Variants in OLAH observed in about 807,000 individuals in gnomAD.
OLAH encodes the protein oleoyl-ACP hydrolase.
OLAH carries 33 observed loss-of-function variants against 27.8 expected under a neutral mutation model. The ratio of observed to expected loss-of-function variants is 1.19; its 90% CI spans 0.90 to 1.59. The LOEUF is 1.59. Ranked by LOEUF, OLAH falls within the 40% of genes most tolerant of loss-of-function variation. The probability of loss-of-function intolerance (pLI) is 0.00; values close to 1 mark genes in which losing one functional copy is unlikely to be tolerated. For synonymous variants in OLAH, 120 were observed against 102.9 expected, an observed-to-expected ratio of 1.17 and a Z score of -1.01; for missense variants, 359 against 310.8, an observed-to-expected ratio of 1.16 and a Z score of -1.17.
chr10:15,032,620 CAAAAAAAAAA>C (rs71390005), intron 1 of OLAH, among the ~76,000 whole-genome samples: 1 of 95,656 alleles, frequency 1.0e-5, no homozygotes, highest in Non-Finnish European at 2.0e-5. Context: ...GACTCAGTTT[CAAAAAAAAAA>C]AAAAAAAAAG....
chr10:15,057,217 A>T (rs888713481), intron 3 of OLAH, among the ~76,000 whole-genome samples: 6 of 152,032 alleles, frequency 3.9e-5, no homozygotes, highest in African/African-American at 1.4e-4. Flanking sequence ...GTATTTTGTC[A>T]TATTTGAGCC....
At chr10:15,072,246 T>C (rs1446652562) in intron 7 of OLAH, among the ~76,000 whole-genome samples, 2 of 152,174 alleles carry the variant, frequency 1.3e-5, no homozygotes, top group African/African-American at 2.4e-5. Context: ...TTTAAAATTT[T>C]TTTTTTTAAT....
chr10:15,045,464 G>C (rs1843996934), intron 1 of OLAH, among the ~76,000 whole-genome samples: 1 of 152,074 alleles, frequency 6.6e-6, no homozygotes. Flanking sequence ...CTATTTCCAG[G>C]TAAAGTCAGA....
intron 3 of OLAH, among the ~76,000 whole-genome samples, chr10:15,059,370 T>TA: frequency 6.6e-6 from 1 of 151,328 alleles, no homozygotes; most frequent in African/African-American, 2.4e-5. Flanking sequence ...TAATTTTTTT[T>TA]ATAGAGATAA....
chr10:15,071,521 C>T (rs1844586261), intron 6 of OLAH: 1 of 984,538 alleles, frequency 1.0e-6, no homozygotes, highest in Non-Finnish European at 1.2e-6. Flanking sequence ...GGACTGGTTC[C>T]ACCAGCCTTA....
chr10:15,049,949 C>T (rs985905108), intron 3 of OLAH, among the ~76,000 whole-genome samples, 184 bp downstream of exon 3: 5 of 152,254 alleles, frequency 3.3e-5, no homozygotes, highest in African/African-American at 7.2e-5. Context: ...TTGTTTTTAT[C>T]GTTAGAGCTA....
At chr10:15,072,232 A>G (rs1422128460) in intron 7 of OLAH, among the ~76,000 whole-genome samples, 1 of 151,914 alleles carries the variant, frequency 6.6e-6, no homozygotes. Flanking sequence ...ATGCCTGGCC[A>G]GCTTTTAAAA....
At chr10:15,058,653 T>G (rs1156538528) in intron 3 of OLAH, among the ~76,000 whole-genome samples, 1 of 152,182 alleles carries the variant, frequency 6.6e-6, no homozygotes, top group Non-Finnish European at 1.5e-5. Context: ...AAAAATAATC[T>G]TTTATATATA....
Position 15,049,674 on chromosome 10 carries a change from G to C in OLAH, c.72G>C (p.Glu24Asp). 6.2e-7 allele frequency: 1 copy of C among 1,606,652 alleles called. No homozygotes were observed. Among genetic ancestry groups the C allele is most frequent in the Non-Finnish European group, 8.5e-7 (1 of 1,177,972 alleles). The change falls in exon 3 of 8, where the codon GAG becomes GAC. Residue 24 changes from glutamate (E) to aspartate (D), a missense_variant. Glu to Asp is a conservative substitution (Grantham distance 45, BLOSUM62 2). Transcript: ENST00000378228. Reference sequence around the variant, plus strand: ...TCAACTGCTTATACAAAAACCCTGAGGCAACTTTTAAGCTGATTTGCTTTC... The same window carrying C: ...TCAACTGCTTATACAAAAACCCTGACGCAACTTTTAAGCTGATTTGCTTTC... ...NIFNCLYKNP[E>D]ATFKLICFPW...
intron 1 of OLAH, among the ~76,000 whole-genome samples, chr10:15,046,507 A>G (rs1417807704): frequency 1.3e-5 from 2 of 151,496 alleles, no homozygotes; most frequent in East Asian, 3.9e-4. Context: ...TCACTCTGTC[A>G]CCCAGGCTGG....
chr10:15,041,281 T>A (rs1226234030), upstream of OLAH, among the ~76,000 whole-genome samples: 1 of 103,938 alleles, frequency 9.6e-6, no homozygotes, highest in Non-Finnish European at 2.0e-5. Flanking sequence ...TTTATTTTTA[T>A]TTTTATTTTT....
intron 1 of OLAH, among the ~76,000 whole-genome samples, chr10:15,035,515 G>A (rs972082000): frequency 1.2e-4 from 18 of 152,110 alleles, no homozygotes; most frequent in Admixed American, 6.6e-5. Flanking sequence ...AAGTGCCATA[G>A]CTTTCGAAGG....
At chr10:15,063,390 C>G (rs1184357356) in intron 4 of OLAH, among the ~76,000 whole-genome samples, 1 of 152,198 alleles carries the variant, frequency 6.6e-6, no homozygotes, top group Non-Finnish European at 1.5e-5. Flanking sequence ...CTCCGCCTCT[C>G]AAAATGTTGG....
chr10:15,035,521 G>T (rs1274837035), intron 1 of OLAH, among the ~76,000 whole-genome samples: 1 of 152,066 alleles, frequency 6.6e-6, no homozygotes. Context: ...CATAGCTTTC[G>T]AAGGACCGGA....
Position 15,056,733 on chromosome 10 carries a change from T to A in OLAH, c.164-4991T>A, listed in dbSNP as rs192551298. The A allele has an allele frequency of 1.0e-5, 13 of 1,243,896 alleles. No homozygotes were observed. The Admixed American group carries it at 1.2e-4, about 12-fold the overall frequency. 77.1% of individuals were successfully genotyped at this position (1,243,896 alleles called of 1,614,324 possible). A position where few individuals can be genotyped will look rare whatever the true frequency, so the allele number is the denominator to read the frequency against. On this transcript the variant is annotated intron_variant, in intron 3 of 7. Coordinates refer to ENST00000378228, the MANE Select transcript of OLAH (RefSeq NM_001039702.3). ...GCAGCCTTAACTTTTCAGCCTCAAG[T>A]GATCCTCCCACCTCAGCCTCCTGAG...
At chr10:15,064,365 T>C in intron 4 of OLAH, 38 bp from the exon 5 acceptor site, 1 of 1,278,600 alleles carries the variant, frequency 7.8e-7, no homozygotes, top group Non-Finnish European at 1.1e-6. Flanking sequence ...CGAGTTTTGC[T>C]TAACAGTTCT....
intron 2 of OLAH, 99 bp from the exon 3 acceptor site, chr10:15,049,536 C>G (rs1233979113): frequency 1.2e-6 from 1 of 830,618 alleles, no homozygotes; most frequent in East Asian, 3.1e-5. Context: ...ACATATGTTT[C>G]TTATAATTAA....
intron 2 of OLAH, among the ~76,000 whole-genome samples, chr10:15,048,543 T>C (rs1247571764): frequency 6.6e-6 from 1 of 152,166 alleles, no homozygotes; most frequent in Non-Finnish European, 1.5e-5. Flanking sequence ...AAAGCACTGT[T>C]TATCAAACAT....
At chr10:15,033,731 T>A (rs1228131797) in intron 1 of OLAH, among the ~76,000 whole-genome samples, 1 of 152,132 alleles carries the variant, frequency 6.6e-6, no homozygotes, top group East Asian at 1.9e-4. Context: ...GAAGGCTTTG[T>A]CTTTGTCTTC....
Sources: gnomAD v4.1 joint callset for allele counts (sites outside exome capture counted in the v4.1 genomes callset) on GRCh38, gnomAD v4.1.1 for gene constraint, MANE v1.5 for transcripts, NCBI Gene and HGNC (gene_info 2026-07-23, HGNC 2026-07-21) for gene names.